Variants in ZFPM2 observed in about 807,000 individuals in gnomAD.
ZFPM2 encodes zinc finger protein ZFPM2.
In ZFPM2, 20 loss-of-function variants were observed where a neutral mutation model predicts 98.6. The observed-to-expected ratio is 0.20, with a 90% CI of 0.14 to 0.29. ZFPM2 has a LOEUF of 0.29. Ranked by LOEUF, ZFPM2 falls within the 10% of genes least tolerant of loss-of-function variation. ZFPM2 has a pLI of 1.00. For synonymous variants in ZFPM2, 518 were observed against 502.7 expected, an observed-to-expected ratio of 1.03 and a Z score of -0.41; for missense variants, 1,310 against 1,388.6, an observed-to-expected ratio of 0.94 and a Z score of 0.90.
intron 3 of ZFPM2, among the ~76,000 whole-genome samples, chr8:105,529,406 A>G (rs1814245998): frequency 1.3e-5 from 2 of 152,114 alleles, no homozygotes; most frequent in Non-Finnish European, 2.9e-5. Context: ...ATCAAATATT[A>G]CTGTAATATA....
At chr8:105,562,900 A>G (rs1344968763) in intron 4 of ZFPM2, among the ~76,000 whole-genome samples, 1 of 152,230 alleles carries the variant, frequency 6.6e-6, no homozygotes, top group East Asian at 1.9e-4. Flanking sequence ...GCAAGGAGCT[A>G]TTCTGCCTAC....
At chr8:105,740,528 C>CATATATATATATATT (rs1563544508) in intron 5 of ZFPM2, among the ~76,000 whole-genome samples, 1 of 143,976 alleles carries the variant, frequency 6.9e-6, no homozygotes, top group Non-Finnish European at 1.5e-5. Flanking sequence ...TGTGTGTATG[C>CATATATATATATATT]ATATATATAT....
At chr8:105,539,722 A>ATCTC (rs1814536946) in intron 3 of ZFPM2, among the ~76,000 whole-genome samples, 1 of 152,196 alleles carries the variant, frequency 6.6e-6, no homozygotes, top group Non-Finnish European at 1.5e-5. Flanking sequence ...TATAAGAGAT[A>ATCTC]GTCACTGGGC....
At chr8:105,405,089 G>A (rs903559936) in intron 1 of ZFPM2, among the ~76,000 whole-genome samples, 1 of 151,854 alleles carries the variant, frequency 6.6e-6, no homozygotes, top group Non-Finnish European at 1.5e-5. Flanking sequence ...GTTCACACGT[G>A]GAAACAAGGC....
At chr8:105,676,091 G>A (rs1810449132) in intron 5 of ZFPM2, 1 of 152,132 alleles carries the variant, frequency 6.6e-6, no homozygotes, top group East Asian at 1.9e-4. Flanking sequence ...CTCTTACTAG[G>A]TAGTATTTTT....
At chr8:105,638,921 G>T (rs2130847564) in intron 5 of ZFPM2, among the ~76,000 whole-genome samples, 1 of 152,080 alleles carries the variant, frequency 6.6e-6, no homozygotes, top group East Asian at 1.9e-4. Flanking sequence ...GATGTACATT[G>T]TTCCTGCCTC....
chr8:105,495,440 T>C (rs1457664812), intron 3 of ZFPM2, among the ~76,000 whole-genome samples: 2 of 152,216 alleles, frequency 1.3e-5, no homozygotes, highest in South Asian at 2.1e-4. Context: ...AATGAATACA[T>C]TGGAATGTAT....
intron 5 of ZFPM2, among the ~76,000 whole-genome samples, chr8:105,668,012 C>A (rs769584573): frequency 6.6e-6 from 1 of 152,118 alleles, no homozygotes; most frequent in Non-Finnish European, 1.5e-5. Context: ...TTTTTAAGCA[C>A]GTAATGAGGC....
chr8:105,786,041 CAAAAAAAA>C (rs60740995), intron 5 of ZFPM2, among the ~76,000 whole-genome samples: 3 of 39,828 alleles, frequency 7.5e-5, no homozygotes, highest in African/African-American at 2.2e-4. Flanking sequence ...GACTCCGTCT[CAAAAAAAA>C]AAAAAAAAAA....
intron 2 of ZFPM2, among the ~76,000 whole-genome samples, chr8:105,432,760 A>T (rs1812045180): frequency 6.6e-6 from 1 of 152,232 alleles, no homozygotes; most frequent in African/African-American, 2.4e-5. Context: ...AATAAAAATT[A>T]TTTAAATATA....
chr8:105,466,725 C>G (rs1241376401), intron 3 of ZFPM2, among the ~76,000 whole-genome samples: 1 of 151,886 alleles, frequency 6.6e-6, no homozygotes, highest in Non-Finnish European at 1.5e-5. Flanking sequence ...TGTAGCAGTA[C>G]ATACTTGAGA....
At position 105,318,478 on chromosome 8, in the gene ZFPM2, C is replaced by A. The variant is rs1216404396; in HGVS notation, c.-464C>A. On this transcript the variant is annotated 5_prime_UTR_variant, in exon 1 of 8. Transcript: ENST00000407775. Reference sequence around the variant, plus strand: ...CGGCCCGGAGCGGCGGCGGCGGCGCCGGAGTATCCGTCCCGCACGCCGGGG... The same window carrying A: ...CGGCCCGGAGCGGCGGCGGCGGCGCAGGAGTATCCGTCCCGCACGCCGGGG... Among the ~76,000 whole-genome samples the A allele has an allele frequency of 6.7e-6, 1 of 150,168 alleles. No individual in the cohort carries two copies. The highest frequency in any genetic ancestry group is 1.5e-5 in the Non-Finnish European group (1 of 67,278).
At chr8:105,703,258 T>A (rs1811179478) in intron 5 of ZFPM2, among the ~76,000 whole-genome samples, 1 of 152,208 alleles carries the variant, frequency 6.6e-6, no homozygotes, top group South Asian at 2.1e-4. Flanking sequence ...CACTGTCTAC[T>A]TGGCACTGCA....
intron 5 of ZFPM2, among the ~76,000 whole-genome samples, chr8:105,637,719 G>A (rs1419326699): frequency 6.6e-6 from 1 of 151,990 alleles, no homozygotes; most frequent in Non-Finnish European, 1.5e-5. Context: ...GATCCCGGGA[G>A]GCACTCCTAC....
intron 3 of ZFPM2, among the ~76,000 whole-genome samples, chr8:105,521,392 A>C (rs1586433163): frequency 1.6e-5 from 2 of 122,574 alleles, no homozygotes; most frequent in African/African-American, 9.0e-5. Context: ...AGCTCAGAGA[A>C]ATATATTAAG....
At chr8:105,459,427 G>T (rs897694278) in intron 3 of ZFPM2, among the ~76,000 whole-genome samples, 1 of 152,020 alleles carries the variant, frequency 6.6e-6, no homozygotes, top group African/African-American at 2.4e-5. Context: ...GTACCCTAGG[G>T]GCTCTCTCTG....
At chr8:105,368,977 T>C (rs1337746808) in intron 1 of ZFPM2, among the ~76,000 whole-genome samples, 2 of 152,206 alleles carry the variant, frequency 1.3e-5, no homozygotes, top group African/African-American at 4.8e-5. Flanking sequence ...ATTTACAAAG[T>C]ACTTCTCAAC....
At chr8:105,444,849 A>G (rs1286705919) in intron 3 of ZFPM2, among the ~76,000 whole-genome samples, 1 of 152,148 alleles carries the variant, frequency 6.6e-6, no homozygotes, top group East Asian at 1.9e-4. Context: ...TAACATTTTC[A>G]TTTTGATGAG....
chr8:105,372,047 ATTT>A (rs869104071), intron 1 of ZFPM2, among the ~76,000 whole-genome samples: 1 of 120,136 alleles, frequency 8.3e-6, no homozygotes, highest in Non-Finnish European at 1.8e-5. Flanking sequence ...TATTATTATT[ATTT>A]TATTTTTTTT....
Sources: allele counts gnomAD v4.1 joint callset (sites outside exome capture counted in the v4.1 genomes callset), GRCh38; gene constraint gnomAD v4.1.1; transcripts MANE v1.5; gene names NCBI Gene and HGNC (gene_info 2026-07-23, HGNC 2026-07-21).